Variants in BICC1 observed in about 807,000 individuals in gnomAD.
BICC1 encodes BicC family RNA binding protein 1, also known as protein bicaudal C homolog 1.
Under a neutral mutation model 111.0 loss-of-function variants are expected in BICC1, and 43 were observed. The ratio of observed to expected loss-of-function variants is 0.39; its 90% CI spans 0.30 to 0.50. The LOEUF is 0.50. Ranked by LOEUF, BICC1 falls within the 20% of genes least tolerant of loss-of-function variation. The pLI is 0.88. For synonymous variants in BICC1, 467 were observed against 434.4 expected (o/e 1.07, Z -0.93); for missense variants, 1,091 against 1,203.2 (o/e 0.91, Z 1.38).
intron 2 of BICC1, among the ~76,000 whole-genome samples, chr10:58,697,809 C>T (rs374215314): frequency 1.3e-5 from 2 of 152,068 alleles, no homozygotes; most frequent in African/African-American, 4.8e-5. Flanking sequence ...ACCCACACCC[C>T]CTGCAGGAGA....
At chr10:58,661,784 T>A (rs955599919) in intron 2 of BICC1, among the ~76,000 whole-genome samples, 1 of 152,176 alleles carries the variant, frequency 6.6e-6, no homozygotes, top group African/African-American at 2.4e-5. Flanking sequence ...AAAATTTGAT[T>A]AAGTATTATT....
At chr10:58,723,978 T>G (rs1841019889) in intron 3 of BICC1, among the ~76,000 whole-genome samples, 1 of 152,214 alleles carries the variant, frequency 6.6e-6, no homozygotes, top group Admixed American at 6.5e-5. Context: ...TACAACCAAG[T>G]AAGATGGAAA....
At chr10:58,627,246 T>C (rs1235860270) in intron 2 of BICC1, among the ~76,000 whole-genome samples, 2 of 152,192 alleles carry the variant, frequency 1.3e-5, no homozygotes, top group African/African-American at 2.4e-5. Flanking sequence ...ACTCAATGCA[T>C]TGGATCATGT....
intron 1 of BICC1, among the ~76,000 whole-genome samples, chr10:58,598,473 G>A (rs747794583): frequency 1.3e-5 from 2 of 152,052 alleles, no homozygotes; most frequent in African/African-American, 2.4e-5. Flanking sequence ...AACTGAAACT[G>A]GACCCCTTCT....
At chr10:58,622,940 G>C (rs983686189) in intron 2 of BICC1, among the ~76,000 whole-genome samples, 1 of 152,106 alleles carries the variant, frequency 6.6e-6, no homozygotes, top group Non-Finnish European at 1.5e-5. Context: ...AAGGATCTAG[G>C]CTTGTGATTG....
At chr10:58,566,687 A>G (rs1300078393) in intron 1 of BICC1, among the ~76,000 whole-genome samples, 1 of 151,958 alleles carries the variant, frequency 6.6e-6, no homozygotes, top group East Asian at 1.9e-4. Flanking sequence ...TTTTTTGACT[A>G]TGGCCATTTT....
At chr10:58,663,060 CTTTTTCTTTTTTTT>C (rs1222478394) in intron 2 of BICC1, among the ~76,000 whole-genome samples, 2 of 119,942 alleles carry the variant, frequency 1.7e-5, no homozygotes, top group African/African-American at 6.2e-5. Context: ...TTTTCTTTTT[CTTTTTCTTTTTTTT>C]TTTTTTTTTT....
At chr10:58,668,481 A>G (rs549685133) in intron 2 of BICC1, among the ~76,000 whole-genome samples, 70 of 152,212 alleles carry the variant, frequency 4.6e-4, no homozygotes, top group Non-Finnish European at 7.9e-4. Flanking sequence ...CTTTTGCACA[A>G]CAACCTGTAT....
chr10:58,734,542 C>T (rs1008908395), intron 3 of BICC1, among the ~76,000 whole-genome samples: 5 of 152,142 alleles, frequency 3.3e-5, no homozygotes, highest in Non-Finnish European at 7.4e-5. Context: ...CATTTTTCTT[C>T]ATTTAGCTTG....
At chr10:58,826,989 A>G (rs115137242) in intron 20 of BICC1, among the ~76,000 whole-genome samples, 1 of 152,326 alleles carries the variant, frequency 6.6e-6, no homozygotes, top group African/African-American at 2.4e-5. Context: ...GTTTCCATTG[A>G]TACTTTTTCC....
At chr10:58,743,765 T>C (rs2132615381) in intron 3 of BICC1, among the ~76,000 whole-genome samples, 1 of 107,874 alleles carries the variant, frequency 9.3e-6, no homozygotes. Flanking sequence ...GTGAAGTTAA[T>C]AGTTTTCTTT....
At chr10:58,598,140 T>A (rs575465798) in intron 1 of BICC1, among the ~76,000 whole-genome samples, 2 of 152,044 alleles carry the variant, frequency 1.3e-5, no homozygotes, top group Admixed American at 6.6e-5. Context: ...CTATTCAGGG[T>A]CCCTGACTTC....
chr10:58,644,550 T>C lies in BICC1; in HGVS notation c.237+23649T>C, dbSNP rs149719121. 1.1e-4 allele frequency among the ~76,000 whole-genome samples: 17 copies of C among 152,368 alleles called. 1 individual carries two copies. In the East Asian group the frequency reaches 3.3e-3, roughly 29 times the overall value. On this transcript the variant is annotated intron_variant, in intron 2 of 20. Coordinates refer to ENST00000373886, the MANE Select transcript of BICC1 (RefSeq NM_001080512.3). ...AAGGCATGTGTATCCTATACGTGCC[T>C]TGTGGCAATTCCACAGCTGGCTCCC...
intron 15 of BICC1, among the ~76,000 whole-genome samples, chr10:58,806,239 T>C (rs939609647): frequency 1.3e-5 from 2 of 152,128 alleles, no homozygotes; most frequent in Non-Finnish European, 2.9e-5. Flanking sequence ...AAACCCACAT[T>C]ATTATTATTA....
At chr10:58,732,290 G>T (rs1420900978) in intron 3 of BICC1, among the ~76,000 whole-genome samples, 1 of 147,266 alleles carries the variant, frequency 6.8e-6, no homozygotes, top group Non-Finnish European at 1.5e-5. Flanking sequence ...GAGAAAGAAG[G>T]AGAAGAGAGG....
Position 58,604,835 on chromosome 10 carries a change from C to T in BICC1, c.191-16020C>T, listed in dbSNP as rs992080964. On this transcript the variant is annotated intron_variant, in intron 1 of 20. Transcript: ENST00000373886. ...AAACAGAAATTTATTTCTCACAGTT[C>T]TGGAGACTGGGAAGTTCATGATCAA... 5.9e-5 allele frequency among the ~76,000 whole-genome samples: 9 copies of T among 152,224 alleles called. No individual in the cohort carries two copies. The South Asian group carries it at 1.9e-3, about 32-fold the overall frequency.
At chr10:58,595,509 AAC>A (rs1436551018) in intron 1 of BICC1, among the ~76,000 whole-genome samples, 1 of 152,188 alleles carries the variant, frequency 6.6e-6, no homozygotes, top group Non-Finnish European at 1.5e-5. Context: ...AATCATAACG[AAC>A]AGTCTCTCAG....
chr10:58,665,686 A>G (rs191884348), intron 2 of BICC1, among the ~76,000 whole-genome samples: 37 of 152,224 alleles, frequency 2.4e-4, no homozygotes, highest in African/African-American at 8.2e-4. Context: ...ATTTTATTTC[A>G]TCTTCTGAGA....
intron 1 of BICC1, among the ~76,000 whole-genome samples, chr10:58,606,513 GTAAC>G (rs1845220739): frequency 6.6e-6 from 1 of 152,080 alleles, no homozygotes; most frequent in Non-Finnish European, 1.5e-5. Context: ...GTATACATGT[GTAAC>G]TAACCTGCAC....
Sources: gnomAD v4.1 joint callset for allele counts (sites outside exome capture counted in the v4.1 genomes callset) on GRCh38, gnomAD v4.1.1 for gene constraint, MANE v1.5 for transcripts, NCBI Gene and HGNC (gene_info 2026-07-23, HGNC 2026-07-21) for gene names.